CNTN5: variants seen among roughly 807,000 people sequenced by gnomAD.
The protein encoded by CNTN5 is contactin-5.
A neutral mutation model predicts 129.1 loss-of-function variants in CNTN5; 77 were observed. The ratio of observed to expected loss-of-function variants is 0.60; its 90% CI spans 0.50 to 0.72. The LOEUF (loss-of-function observed/expected upper bound fraction) is 0.72. Among genes scored for constraint, CNTN5 ranks in the 30% least tolerant of loss-of-function variants. The pLI is 0.00. For missense variants in CNTN5, 1,478 were observed against 1,328.8 expected (o/e 1.11, Z -1.75); for synonymous variants, 509 against 465.6 (o/e 1.09, Z -1.20).
chr11:99,580,429 G>A (rs1328706616), intron 3 of CNTN5, among the ~76,000 whole-genome samples: 1 of 152,104 alleles, frequency 6.6e-6, no homozygotes, highest in African/African-American at 2.4e-5. Flanking sequence ...TTGTACCTCT[G>A]GTAGAATTTG....
chr11:99,206,403 T>C (rs1565402427), intron 1 of CNTN5, among the ~76,000 whole-genome samples: 1 of 152,110 alleles, frequency 6.6e-6, no homozygotes, highest in African/African-American at 2.4e-5. Flanking sequence ...GTCGTCTCAA[T>C]GTAAACAAAC....
At chr11:99,811,083 A>T (rs972798492) in intron 3 of CNTN5, among the ~76,000 whole-genome samples, 5 of 152,144 alleles carry the variant, frequency 3.3e-5, no homozygotes, top group African/African-American at 4.8e-5. Context: ...CATGATTTAT[A>T]TGAATATCTG....
At chr11:99,959,362 CTG>C (rs1950883346) in intron 8 of CNTN5, among the ~76,000 whole-genome samples, 1 of 152,182 alleles carries the variant, frequency 6.6e-6, no homozygotes, top group South Asian at 2.1e-4. Flanking sequence ...TTCACAAAAA[CTG>C]TGTACCTTAT....
At chr11:99,931,637 A>G (rs1466089374) in intron 7 of CNTN5, among the ~76,000 whole-genome samples, 1 of 152,246 alleles carries the variant, frequency 6.6e-6, no homozygotes, top group Non-Finnish European at 1.5e-5. Flanking sequence ...CACTCCTTTG[A>G]TAACTGGTTC....
chr11:100,057,015 C>A (rs1943260041), intron 9 of CNTN5, among the ~76,000 whole-genome samples: 2 of 151,382 alleles, frequency 1.3e-5, no homozygotes, highest in South Asian at 4.1e-4. Context: ...TGCAAAGATT[C>A]TCAGCAGGTT....
At chr11:99,834,071 T>A (rs915217886) in intron 4 of CNTN5, among the ~76,000 whole-genome samples, 2 of 152,190 alleles carry the variant, frequency 1.3e-5, no homozygotes, top group African/African-American at 4.8e-5. Context: ...GATATTTCAT[T>A]ACCTATGTGG....
At position 100,247,089 on chromosome 11, in the gene CNTN5, G is replaced by GA. The variant is rs1404463096; in HGVS notation, c.2006-8669dup. Among the ~76,000 whole-genome samples, 3 of 152,162 alleles carry GA rather than the reference G, an allele frequency of 2.0e-5. No individual in the cohort carries two copies. The East Asian group carries it at 5.8e-4, about 29-fold the overall frequency. ...GGTACTATGAATGTATGCAATACAG[G>GA]AATTTTACTTAGGCAAGGCAGTCAG... On this transcript the variant is annotated intron_variant, in intron 16 of 24. Transcript: ENST00000524871.
chr11:99,632,939 C>A (rs1951417524), intron 3 of CNTN5, among the ~76,000 whole-genome samples: 1 of 152,018 alleles, frequency 6.6e-6, no homozygotes, highest in Non-Finnish European at 1.5e-5. Flanking sequence ...AGACAAAATA[C>A]TGCAAAATAA....
chr11:99,243,200 G>A (rs1190387825), intron 1 of CNTN5, among the ~76,000 whole-genome samples: 2 of 151,928 alleles, frequency 1.3e-5, no homozygotes, highest in Non-Finnish European at 2.9e-5. Flanking sequence ...ATCTCATTGT[G>A]GTTTTGATTT....
rs529699614 is a variant in CNTN5, at chr11:99,991,400, G to C, written c.878-10634G>C. On this transcript the variant is annotated intron_variant, in intron 8 of 24. Coordinates refer to ENST00000524871, the MANE Select transcript of CNTN5 (RefSeq NM_014361.4). ...GAGAATGGCCTGAACCCGGGAGGCA[G>C]AGCTTGCAGTGAGCCGAGATTGCAC... Among the ~76,000 whole-genome samples, 5 of 152,300 alleles carry C rather than the reference G, an allele frequency of 3.3e-5. No homozygotes were observed. The East Asian group carries it at 9.7e-4, about 29-fold the overall frequency.
chr11:99,894,896 G>A (rs1949164505), intron 6 of CNTN5, among the ~76,000 whole-genome samples: 1 of 152,118 alleles, frequency 6.6e-6, no homozygotes, highest in African/African-American at 2.4e-5. Context: ...AAGACATATT[G>A]TCCTTCCTCA....
At chr11:99,901,184 A>G (rs1949347222) in intron 6 of CNTN5, among the ~76,000 whole-genome samples, 1 of 152,228 alleles carries the variant, frequency 6.6e-6, no homozygotes, top group African/African-American at 2.4e-5. Flanking sequence ...AGCTATCATC[A>G]TCACCATCTT....
chr11:99,643,029 T>C (rs1951826406), intron 3 of CNTN5, among the ~76,000 whole-genome samples: 1 of 152,234 alleles, frequency 6.6e-6, no homozygotes. Flanking sequence ...TATCAACCTA[T>C]TGGCTATTGT....
chr11:99,266,217 T>C (rs1435721707), intron 1 of CNTN5, among the ~76,000 whole-genome samples: 1 of 152,138 alleles, frequency 6.6e-6, no homozygotes, highest in Non-Finnish European at 1.5e-5. Context: ...ATAATATCAA[T>C]ACAACATTTT....
At chr11:99,526,614 C>T (rs1180840114) in intron 2 of CNTN5, among the ~76,000 whole-genome samples, 2 of 152,214 alleles carry the variant, frequency 1.3e-5, no homozygotes, top group East Asian at 1.9e-4. Context: ...TGTCAAGTCA[C>T]GATCAATTCT....
intron 13 of CNTN5, among the ~76,000 whole-genome samples, chr11:100,179,449 A>C (rs1948071219): frequency 6.6e-6 from 1 of 152,172 alleles, no homozygotes; most frequent in Admixed American, 6.6e-5. Flanking sequence ...GTACTGTAAG[A>C]GTACTGGTAC....
chr11:99,311,547 C>G (rs978789619), intron 1 of CNTN5, among the ~76,000 whole-genome samples: 6 of 152,062 alleles, frequency 3.9e-5, no homozygotes, highest in Admixed American at 6.6e-5. Flanking sequence ...CATCACAATG[C>G]TCTCCTAAAA....
chr11:99,128,149 G>T (rs1253430172), intron 1 of CNTN5, among the ~76,000 whole-genome samples: 1 of 152,106 alleles, frequency 6.6e-6, no homozygotes, highest in African/African-American at 2.4e-5. Flanking sequence ...TCACTCAGAG[G>T]GTCCCACGCC....
intron 21 of CNTN5, among the ~76,000 whole-genome samples, chr11:100,320,284 C>T: frequency 6.6e-6 from 1 of 151,896 alleles, no homozygotes. Flanking sequence ...TTTTCATTTC[C>T]CTGATGATTA....
Sources: gnomAD v4.1 joint callset for allele counts (sites outside exome capture counted in the v4.1 genomes callset) on GRCh38, gnomAD v4.1.1 for gene constraint, MANE v1.5 for transcripts, NCBI Gene and HGNC (gene_info 2026-07-23, HGNC 2026-07-21) for gene names.